Variants in CWH43 observed in about 807,000 individuals in gnomAD.
CWH43 encodes the protein PGAP2-interacting protein.
In CWH43, 91 loss-of-function variants were observed where a neutral mutation model predicts 85.7. That is an observed-to-expected ratio of 1.06 (90% confidence interval 0.90 to 1.26). CWH43 has a LOEUF of 1.26. Among genes scored for constraint, CWH43 ranks in the 50% most tolerant of loss-of-function variants. The probability of loss-of-function intolerance (pLI) is 0.00; values close to 1 mark genes in which losing one functional copy is unlikely to be tolerated. For synonymous variants in CWH43, 323 were observed against 293.6 expected (o/e 1.10, Z -1.02); for missense variants, 869 against 839.2 (o/e 1.04, Z -0.44).
At chr4:48,990,744 T>A (rs12499992) in intron 2 of CWH43, among the ~76,000 whole-genome samples, 85,423 of 151,664 alleles carry the variant, frequency 0.56, 27,072 homozygotes, top group Middle Eastern at 0.74. Flanking sequence ...TGATAGAAGC[T>A]GTTATCATAT....
chr4:49,037,480 G>T (rs976241675), intron 12 of CWH43, among the ~76,000 whole-genome samples: 1 of 151,904 alleles, frequency 6.6e-6, no homozygotes, highest in Non-Finnish European at 1.5e-5. Flanking sequence ...TGAGGCAGGA[G>T]AATTGCATGA....
At chr4:49,033,836 T>A (rs1222987890) in intron 12 of CWH43, among the ~76,000 whole-genome samples, 2 of 152,246 alleles carry the variant, frequency 1.3e-5, no homozygotes, top group East Asian at 3.8e-4. Context: ...GACATTCACA[T>A]GCAAGCTTTG....
intron 8 of CWH43, among the ~76,000 whole-genome samples, chr4:49,013,591 G>A (rs1376951547): frequency 6.6e-6 from 1 of 152,042 alleles, no homozygotes; most frequent in Non-Finnish European, 1.5e-5. Flanking sequence ...GCTGGGAGCT[G>A]CAGAACAGAG....
At chr4:49,057,335 C>G (rs911903849) in intron 15 of CWH43, among the ~76,000 whole-genome samples, 2 of 152,150 alleles carry the variant, frequency 1.3e-5, no homozygotes, top group African/African-American at 4.8e-5. Context: ...GGCAGGACAT[C>G]TCGAAGCAGA....
At position 49,003,940 on chromosome 4, in the gene CWH43, T is replaced by A. The variant is rs752745320; in HGVS notation, c.1008T>A (p.Phe336Leu). ...EIFFCAWCTA[F>L]KFVPGGVYAR... ...TTTTCTGTGCCTGGTGCACAGCTTT[T>A]AAGTTTGTCCCAGGAGGTGTCTACG... Residue 336 changes from phenylalanine to leucine, a missense_variant, in exon 7 of 16, where the codon TTT becomes TTA. Around this residue, in one of 3 missense-constraint regions of CWH43, gnomAD observed 577 missense variants for 513.1 expected, o/e 1.12. Coordinates refer to ENST00000226432, the MANE Select transcript of CWH43 (RefSeq NM_025087.3). The A allele has an allele frequency of 7.1e-5, 114 of 1,613,438 alleles. No homozygotes were observed. The highest frequency in any genetic ancestry group is 9.4e-5 in the Non-Finnish European group (111 of 1,179,782).
chr4:49,026,287 T>C (rs1320694289), intron 9 of CWH43, among the ~76,000 whole-genome samples: 3 of 152,180 alleles, frequency 2.0e-5, no homozygotes, highest in Non-Finnish European at 2.9e-5. Flanking sequence ...GCCTCCCAGC[T>C]GAGAAAGCAA....
chr4:49,059,727 G>A (rs1785081275), intron 15 of CWH43, among the ~76,000 whole-genome samples: 1 of 152,082 alleles, frequency 6.6e-6, no homozygotes, highest in African/African-American at 2.4e-5. Context: ...TAGGCTTTGT[G>A]CCTGGGTCTC....
chr4:49,018,937 G>A (rs1402688774), intron 9 of CWH43, among the ~76,000 whole-genome samples: 2 of 151,972 alleles, frequency 1.3e-5, no homozygotes, highest in East Asian at 1.9e-4. Context: ...TTTAACTGTC[G>A]GTCATTATTA....
chr4:49,040,473 G>C (rs1237871783), intron 13 of CWH43, among the ~76,000 whole-genome samples: 1 of 152,148 alleles, frequency 6.6e-6, no homozygotes, highest in Non-Finnish European at 1.5e-5. Context: ...TTGTGGTTTT[G>C]ATTTGCATTT....
At chr4:49,007,083 A>C in intron 7 of CWH43, 118 bp from the exon 8 acceptor site, 1 of 1,153,236 alleles carries the variant, frequency 8.7e-7, no homozygotes, top group Non-Finnish European at 1.2e-6. Flanking sequence ...AGATAAATTA[A>C]ATCAGTACAT....
intron 11 of CWH43, 57 bp from the exon 12 acceptor site, chr4:49,032,509 G>A: frequency 6.3e-7 from 1 of 1,593,218 alleles, no homozygotes; most frequent in Non-Finnish European, 8.6e-7. Flanking sequence ...CTTAGTCCCA[G>A]TGCATGGTAG....
At chr4:49,057,855 G>A (rs1333832768) in intron 15 of CWH43, among the ~76,000 whole-genome samples, 1 of 152,080 alleles carries the variant, frequency 6.6e-6, no homozygotes, top group African/African-American at 2.4e-5. Context: ...GAGCACTTTA[G>A]TATAATGACC....
intron 8 of CWH43, chr4:49,016,538 G>C: frequency 1.5e-6 from 1 of 659,682 alleles, no homozygotes; most frequent in Admixed American, 1.8e-5. Context: ...AGTAAGCGGA[G>C]AAGGGATTGG....
At chr4:48,993,172 C>T (rs533958614) in intron 4 of CWH43, among the ~76,000 whole-genome samples, 1 of 152,316 alleles carries the variant, frequency 6.6e-6, no homozygotes, top group South Asian at 2.1e-4. Context: ...ACTGACTGTT[C>T]ACCCTGCACC....
At chr4:49,028,577 A>T in intron 9 of CWH43, 52 bp from the exon 10 acceptor site, 1 of 1,333,464 alleles carries the variant, frequency 7.5e-7, no homozygotes, top group East Asian at 2.3e-5. Flanking sequence ...TGGGTCACTG[A>T]AACTGCCATT....
At position 49,050,500 on chromosome 4, in the gene CWH43, CTTTA is replaced by C. The variant is rs571256779; in HGVS notation, c.1866-191_1866-188del. Among the ~76,000 whole-genome samples, 21 of 152,232 alleles carry C rather than the reference CTTTA, an allele frequency of 1.4e-4. No individual in the cohort carries two copies. The South Asian group carries it at 3.9e-3, about 29-fold the overall frequency. On this transcript the variant is annotated intron_variant, in intron 14 of 15. Transcript: ENST00000226432. ...ACTTAATTAAATCTATGTACATATT[CTTTA>C]TTCATTTATATCATAAAAGCAATAT...
At position 49,030,896 on chromosome 4, in the gene CWH43, T is replaced by C. The variant is rs772494324; in HGVS notation, c.1444T>C (p.Trp482Arg). The change falls in exon 11 of 16, where the codon TGG (tryptophan) becomes CGG (arginine). Residue 482 changes from tryptophan (W) to arginine (R), a missense_variant. Around this residue, in one of 3 missense-constraint regions of CWH43, gnomAD observed 577 missense variants for 513.1 expected, o/e 1.12. Coordinates refer to ENST00000226432, the MANE Select transcript of CWH43 (RefSeq NM_025087.3). ...TATGGGGAACAATGACTTAACCATGTGGCTAGGGGAAAAGTTGGGTTTCTA... is the reference window on the plus strand; with the variant it reads ...TATGGGGAACAATGACTTAACCATGCGGCTAGGGGAAAAGTTGGGTTTCTA... ...PYMGNNDLTM[W>R]LGEKLGFYTD... 6.2e-7 allele frequency: 1 copy of C among 1,611,382 alleles called. No homozygotes were observed. The highest frequency in any genetic ancestry group is 1.1e-5 in the South Asian group (1 of 90,696).
At chr4:49,045,234 T>C (rs1784587090) in intron 14 of CWH43, among the ~76,000 whole-genome samples, 1 of 152,158 alleles carries the variant, frequency 6.6e-6, no homozygotes, top group South Asian at 2.1e-4. Flanking sequence ...CAGCTTCTAA[T>C]CAATAATCCT....
At chr4:48,988,749 C>T in intron 2 of CWH43, 81 bp downstream of exon 2, 1 of 815,976 alleles carries the variant, frequency 1.2e-6, no homozygotes, top group East Asian at 3.0e-5. Context: ...TCTTTGAATA[C>T]TAAATATTTG....
Sources: allele counts gnomAD v4.1 joint callset (sites outside exome capture counted in the v4.1 genomes callset), GRCh38; gene constraint gnomAD v4.1.1; regional missense constraint gnomAD v4.1.1; transcripts MANE v1.5; gene names NCBI Gene and HGNC (gene_info 2026-07-23, HGNC 2026-07-21).